Variants in CERK observed in about 807,000 individuals in gnomAD.
CERK encodes ceramide kinase, also known as acylsphingosine kinase.
CERK carries 39 observed loss-of-function variants against 63.4 expected under a neutral mutation model. The observed-to-expected ratio is 0.61, with a 90% CI of 0.48 to 0.80. The LOEUF is 0.80. Ranked by LOEUF, CERK falls within the 30% of genes least tolerant of loss-of-function variation. CERK has a pLI of 0.00. For missense variants in CERK, 670 were observed against 714.1 expected (o/e 0.94, Z 0.70); for synonymous variants, 302 against 280.0 (o/e 1.08, Z -0.78).
In CERK at chr22:46,721,519, G is replaced by A. The variant is rs150133610; in HGVS notation, c.143-504C>T. 3.3e-3 allele frequency among the ~76,000 whole-genome samples: 496 copies of A among 152,178 alleles called. 5 individuals carry two copies. The highest frequency in any genetic ancestry group is 0.011 in the African/African-American group (441 of 41,502). ...GGGCAGCTCAATGTTACCAGACGGC[G>A]GGATGTTTTATTCAGCCGAGTCACC... On this transcript the variant is annotated intron_variant, in intron 1 of 12. Transcript: ENST00000216264.
At position 46,689,980 on chromosome 22, in the gene CERK, C is replaced by T; in HGVS notation, c.1541+12G>A. 6.3e-7 allele frequency: 1 copy of T among 1,589,528 alleles called. No individual in the cohort carries two copies. Among genetic ancestry groups the T allele is most frequent in the East Asian group, 2.2e-5 (1 of 44,448 alleles). On this transcript the variant is annotated intron_variant, in intron 12 of 12. Transcript: ENST00000216264. Reference sequence around the variant, plus strand: ...GGGATGGCGCTGGTGGCTGGAGGACCCCTGCACGCACCTGACCTCGATGGC... The same window carrying T: ...GGGATGGCGCTGGTGGCTGGAGGACTCCTGCACGCACCTGACCTCGATGGC...
At chr22:46,693,564 T>C in intron 9 of CERK, 61 bp from the exon 10 acceptor site, 1 of 1,308,268 alleles carries the variant, frequency 7.6e-7, no homozygotes, top group Non-Finnish European at 1.1e-6. Flanking sequence ...TGCGTATGCT[T>C]GGCACATATA....
At chr22:46,687,974 A>G (rs1601706147) in intron 12 of CERK, among the ~76,000 whole-genome samples, 1 of 152,190 alleles carries the variant, frequency 6.6e-6, no homozygotes, top group Non-Finnish European at 1.5e-5. Flanking sequence ...AGGCGGGCGG[A>G]TCACCTGAGG....
rs1295317984 is a variant in CERK, at chr22:46,714,094, A to G, written c.380-1801T>C. 6.6e-6 allele frequency among the ~76,000 whole-genome samples: 1 copy of G among 152,218 alleles called. No homozygotes were observed. The highest frequency in any genetic ancestry group is 1.9e-4 in the East Asian group (1 of 5,186). ...GAAACCAGCCTGGGCAACATGGTGA[A>G]ACCCTGTCTCTACTAACAATACAAA... On this transcript the variant is annotated intron_variant, in intron 3 of 12. Transcript: ENST00000216264. The surrounding 1 kb of genome is among the most constrained non-coding windows in gnomAD (Gnocchi z 4.4).
At chr22:46,716,471 G>C (rs973236300) in intron 3 of CERK, among the ~76,000 whole-genome samples, 2 of 149,372 alleles carry the variant, frequency 1.3e-5, no homozygotes, top group East Asian at 3.9e-4. Flanking sequence ...GATTATAGGC[G>C]TGAGCCACCA....
At position 46,738,067 on chromosome 22, in the gene CERK, C is replaced by T. The variant is rs1204826699; in HGVS notation, c.82G>A (p.Ala28Thr). Reference protein sequence around the residue: ...QQRCAVSLEPARALLRWWRSP... With the variant: ...QQRCAVSLEPTRALLRWWRSP... ...CGCCACCAGCGCAGCAGAGCCCGCG[C>T]GGGCTCCAGGCTCACGGCGCAGCGC... Residue 28 changes from alanine to threonine, a missense_variant, in exon 1 of 13, where the codon GCG (alanine) becomes ACG (threonine). Ala to Thr is a moderately conservative substitution (Grantham distance 58). Coordinates refer to ENST00000216264, the MANE Select transcript of CERK (RefSeq NM_022766.6). 3.2e-6 allele frequency: 4 copies of T among 1,260,366 alleles called. No individual in the cohort carries two copies. The highest frequency in any genetic ancestry group is 3.7e-5 in the Admixed American group (1 of 26,800). The allele number at this position is 1,260,366 out of a possible 1,614,324, so 78.1% of individuals were successfully genotyped here.
At chr22:46,702,189 A>AG (rs927424155) in intron 6 of CERK, among the ~76,000 whole-genome samples, 4 of 146,430 alleles carry the variant, frequency 2.7e-5, no homozygotes, top group African/African-American at 5.0e-5. Context: ...AAAAAAAAAA[A>AG]AAAAAGGAGC....
At chr22:46,695,412 A>G (rs1480620771) in intron 8 of CERK, 97 bp from the exon 9 acceptor site, 3 of 800,798 alleles carry the variant, frequency 3.7e-6, no homozygotes, top group Non-Finnish European at 4.4e-6. Context: ...CTGAGCGCGC[A>G]TCTGCCTAAA....
At position 46,714,261 on chromosome 22, in the gene CERK, A is replaced by G. The variant is rs1315128218; in HGVS notation, c.380-1968T>C. On this transcript the variant is annotated intron_variant, in intron 3 of 12. Transcript: ENST00000216264. This position sits in a 1 kb window ranked among gnomAD's most constrained non-coding sequence, Gnocchi z 4.4. ...ACTCCAGCCTGGGTGACAGAGTAAG[A>G]CTCCATGTCAAAATAAACAAACAAA... Among the ~76,000 whole-genome samples the G allele has an allele frequency of 2.0e-5, 3 of 152,036 alleles. No homozygotes were observed. In the East Asian group the frequency reaches 5.8e-4, roughly 29 times the overall value.
intron 11 of CERK, among the ~76,000 whole-genome samples, chr22:46,691,117 C>G (rs973908690): frequency 2.0e-5 from 3 of 151,700 alleles, no homozygotes; most frequent in African/African-American, 7.3e-5. Context: ...CTCTGTCACC[C>G]AGGCTGGAGT....
intron 7 of CERK, among the ~76,000 whole-genome samples, chr22:46,700,347 C>T (rs577384887): frequency 5.9e-5 from 9 of 152,172 alleles, no homozygotes; most frequent in Admixed American, 3.9e-4. Flanking sequence ...GAGCCAAGAT[C>T]GCGCCACTGT....
chr22:46,689,202 C>A (rs1020562159), intron 12 of CERK, among the ~76,000 whole-genome samples: 1 of 152,144 alleles, frequency 6.6e-6, no homozygotes, highest in African/African-American at 2.4e-5. Flanking sequence ...CCCTCTGGGG[C>A]TCCTCCTCTC....
chr22:46,701,811 C>A, intron 6 of CERK, 101 bp from the exon 7 acceptor site: 1 of 791,092 alleles, frequency 1.3e-6, no homozygotes, highest in South Asian at 1.7e-5. Flanking sequence ...CTTCCATGGC[C>A]CTAGAGTCAA....
intron 6 of CERK, among the ~76,000 whole-genome samples, chr22:46,707,396 G>T (rs543506048): frequency 6.6e-6 from 1 of 152,198 alleles, no homozygotes; most frequent in Admixed American, 6.5e-5. Flanking sequence ...GGCTCGGCTA[G>T]GTCCTGCCCT....
Position 46,690,106 on chromosome 22 carries a change from C to A in CERK, c.1427G>T (p.Gly476Val), listed in dbSNP as rs751772008. The change falls in exon 12 of 13, where the codon GGG becomes GTG. Residue 476 changes from glycine (G) to valine (V), a missense_variant. Gly to Val is a moderately radical substitution (Grantham distance 109). Coordinates refer to ENST00000216264, the MANE Select transcript of CERK (RefSeq NM_022766.6). The part of the protein sequence containing the change: ...EDEDSDLKEG[G>V]KKRFGHICSS... ...GCAAATGTGCCCAAAGCGCTTCTTC[C>A]CCCCCTCCTTGAGGTCGCTGTCCTC... is the stretch of plus-strand genomic sequence containing the variant. 6 of 1,614,068 alleles carry A rather than the reference C, an allele frequency of 3.7e-6. No individual in the cohort carries two copies. Among genetic ancestry groups the A allele is most frequent in the South Asian group, 3.3e-5 (3 of 91,076 alleles).
chr22:46,706,848 A>G (rs2082815250), intron 6 of CERK, among the ~76,000 whole-genome samples: 1 of 152,160 alleles, frequency 6.6e-6, no homozygotes, highest in African/African-American at 2.4e-5. Flanking sequence ...GCCTCACACC[A>G]TTATTCACAA....
At chr22:46,724,575 T>G (rs2082908446) in intron 1 of CERK, among the ~76,000 whole-genome samples, 1 of 152,170 alleles carries the variant, frequency 6.6e-6, no homozygotes, top group South Asian at 2.1e-4. Flanking sequence ...GGCTGCAGTC[T>G]TACTGTGGGT....
At chr22:46,725,219 G>C (rs759214150) in intron 1 of CERK, among the ~76,000 whole-genome samples, 3 of 151,860 alleles carry the variant, frequency 2.0e-5, no homozygotes, top group African/African-American at 4.9e-5. Context: ...CCTAGTCTTC[G>C]ATACTCTCAT....
chr22:46,728,050 A>G (rs2146591491), intron 1 of CERK, among the ~76,000 whole-genome samples: 1 of 152,188 alleles, frequency 6.6e-6, no homozygotes, highest in East Asian at 1.9e-4. Context: ...GTGGAATTAC[A>G]CACCTGCGCA....
Sources: allele counts gnomAD v4.1 joint callset (sites outside exome capture counted in the v4.1 genomes callset), GRCh38; gene constraint gnomAD v4.1.1; non-coding constraint Gnocchi (gnomAD v3.1); transcripts MANE v1.5; gene names NCBI Gene and HGNC (gene_info 2026-07-23, HGNC 2026-07-21).